The following KAZN variants were observed in gnomAD, a reference collection of about 807,000 sequenced individuals.
The protein encoded by KAZN is kazrin, periplakin interacting protein.
A neutral mutation model predicts 87.4 loss-of-function variants in KAZN; 40 were observed. That is an observed-to-expected ratio of 0.46 (90% CI 0.36 to 0.60). KAZN has a LOEUF of 0.60. Among genes scored for constraint, KAZN ranks in the 20% least tolerant of loss-of-function variants. KAZN has a pLI of 0.00. For missense variants in KAZN, 898 were observed against 1,073.9 expected (o/e 0.84, Z 2.29); for synonymous variants, 466 against 458.3 (o/e 1.02, Z -0.22).
At chr1:14,255,750 C>T (rs1650460167) in intron 2 of KAZN, among the ~76,000 whole-genome samples, 1 of 152,134 alleles carries the variant, frequency 6.6e-6, no homozygotes, top group Admixed American at 6.5e-5. Context: ...TCTAAAGAAC[C>T]CAGTGACTGA....
At chr1:15,075,663 C>G (rs569596020) in intron 8 of KAZN, among the ~76,000 whole-genome samples, 1 of 152,136 alleles carries the variant, frequency 6.6e-6, no homozygotes, top group Non-Finnish European at 1.5e-5. Flanking sequence ...GTGACAGACA[C>G]CAGGTCAGGT....
chr1:14,178,880 C>G lies in KAZN; in HGVS notation c.92-1555C>G, dbSNP rs144883367. ...CTCTTTCATGGCTTACTTTTAAGCT[C>G]TTTTTGGAAGGGCCTGGAATAGCCT... On this transcript the variant is annotated intron_variant, in intron 1 of 16. Coordinates refer to the KAZN transcript ENST00000636203. Among the ~76,000 whole-genome samples the G allele has an allele frequency of 6.8e-4, 103 of 152,176 alleles. 3 individuals carry two copies. In the East Asian group the frequency reaches 0.016, roughly 23 times the overall value.
At chr1:15,053,330 G>C (rs998592920) in intron 4 of KAZN, among the ~76,000 whole-genome samples, 2 of 152,274 alleles carry the variant, frequency 1.3e-5, no homozygotes, top group Admixed American at 1.3e-4. Flanking sequence ...GTCTGCTGCA[G>C]GTGTACAGAG....
intron 1 of KAZN, among the ~76,000 whole-genome samples, chr1:13,978,919 A>C (rs1486141070): frequency 6.6e-6 from 1 of 151,824 alleles, no homozygotes. Context: ...TGGGCAACAC[A>C]GGGAGACCCT....
At chr1:13,989,497 A>T (rs955424931) in intron 1 of KAZN, among the ~76,000 whole-genome samples, 3 of 152,226 alleles carry the variant, frequency 2.0e-5, no homozygotes, top group Admixed American at 2.0e-4. Context: ...GACCTCAGGC[A>T]TCTGCCTACA....
intron 2 of KAZN, among the ~76,000 whole-genome samples, chr1:14,994,957 G>A (rs570292570): frequency 3.3e-5 from 5 of 152,350 alleles, no homozygotes; most frequent in South Asian, 2.1e-4. Flanking sequence ...GGAGTAGGCC[G>A]TGGGCCACCA....
chr1:13,983,798 C>G (rs1638875388), intron 1 of KAZN, among the ~76,000 whole-genome samples: 2 of 152,222 alleles, frequency 1.3e-5, no homozygotes, highest in African/African-American at 4.8e-5. Flanking sequence ...ACTTACAAAA[C>G]TAATGCCTTT....
At chr1:13,990,858 T>C (rs1218324577) in intron 1 of KAZN, among the ~76,000 whole-genome samples, 5 of 152,168 alleles carry the variant, frequency 3.3e-5, no homozygotes, top group Non-Finnish European at 1.5e-5. Flanking sequence ...AGGAGGTGGG[T>C]CTATGAATAA....
At chr1:14,198,590 ACT>A (rs1315086513) in intron 2 of KAZN, among the ~76,000 whole-genome samples, 1 of 152,164 alleles carries the variant, frequency 6.6e-6, no homozygotes, top group Non-Finnish European at 1.5e-5. Context: ...ACAGAGCAAG[ACT>A]CTATCTCCAA....
chr1:14,368,447 GTCA>G (rs1241336263), intron 2 of KAZN, among the ~76,000 whole-genome samples: 2 of 152,260 alleles, frequency 1.3e-5, no homozygotes, highest in African/African-American at 2.4e-5. Flanking sequence ...CCATGATGTG[GTCA>G]TCAACAAAGC....
At chr1:14,847,616 C>A (rs1557550453) in intron 1 of KAZN, among the ~76,000 whole-genome samples, 1 of 152,176 alleles carries the variant, frequency 6.6e-6, no homozygotes. Flanking sequence ...TCAGCCTCCC[C>A]CACCCAAATC....
intron 2 of KAZN, among the ~76,000 whole-genome samples, chr1:14,419,416 G>A (rs1293847104): frequency 1.3e-5 from 2 of 152,016 alleles, no homozygotes; most frequent in East Asian, 1.9e-4. Context: ...CCATTCCCTT[G>A]TCACAGAACA....
Position 14,797,324 on chromosome 1 carries a change from G to A in KAZN, c.227-163360G>A, listed in dbSNP as rs544541622. Among the ~76,000 whole-genome samples the A allele has an allele frequency of 4.6e-5, 7 of 152,260 alleles. No homozygotes were observed. The South Asian group carries it at 1.2e-3, about 27-fold the overall frequency. On this transcript the variant is annotated intron_variant, in intron 1 of 14. Transcript: ENST00000376030. ...GATCCGCCTGCCTCTGCCTCCCAAA[G>A]TGCTGGGATTACAGGCATGAGCCAC...
At position 14,260,139 on chromosome 1, in the gene KAZN, A is replaced by T. The variant is rs75701856; in HGVS notation, c.249+79547A>T. Among the ~76,000 whole-genome samples, 982 of 152,048 alleles carry T rather than the reference A, an allele frequency of 6.5e-3. 15 individuals are homozygous for T. The highest frequency in any genetic ancestry group is 0.023 in the South Asian group (110 of 4,810). ...CATTGTTTCCCCTATTTATTTATTC[A>T]CTCAACAAATGTTTACTGAGGTCCT... On this transcript the variant is annotated intron_variant, in intron 2 of 16. Transcript: ENST00000636203.
chr1:14,097,015 C>T (rs1056900928), intron 1 of KAZN, among the ~76,000 whole-genome samples: 5 of 152,172 alleles, frequency 3.3e-5, no homozygotes, highest in Non-Finnish European at 7.3e-5. Context: ...ACTGAAAGTC[C>T]AGGTGATGCT....
At chr1:14,530,199 A>G (rs1672132220) in intron 2 of KAZN, among the ~76,000 whole-genome samples, 1 of 152,148 alleles carries the variant, frequency 6.6e-6, no homozygotes, top group Non-Finnish European at 1.5e-5. Context: ...TTCTACCAAG[A>G]CACATTCCAG....
intron 2 of KAZN, among the ~76,000 whole-genome samples, chr1:14,443,503 G>A (rs570068173): frequency 2.0e-5 from 3 of 152,370 alleles, no homozygotes; most frequent in African/African-American, 7.2e-5. Flanking sequence ...CAGGAGGCCT[G>A]CAGTCATCTG....
intron 2 of KAZN, among the ~76,000 whole-genome samples, chr1:15,003,004 G>A (rs572084686): frequency 1.9e-3 from 218 of 115,036 alleles, no homozygotes; most frequent in Non-Finnish European, 3.3e-3. Context: ...AAAAATAAAC[G>A]TACACACACA....
At chr1:14,676,422 C>CCCG (rs1640221992) in intron 1 of KAZN, among the ~76,000 whole-genome samples, 1 of 115,432 alleles carries the variant, frequency 8.7e-6, no homozygotes, top group Non-Finnish European at 2.0e-5. Flanking sequence ...GAGGCCACTT[C>CCCG]ACGTCCCTGA....
Sources: gnomAD v4.1 joint callset for allele counts (sites outside exome capture counted in the v4.1 genomes callset) on GRCh38, gnomAD v4.1.1 for gene constraint, MANE v1.5 for transcripts, NCBI Gene and HGNC (gene_info 2026-07-23, HGNC 2026-07-21) for gene names.